Variants in CA3 observed in about 807,000 individuals in gnomAD.
CA3 encodes carbonic anhydrase 3, also known as CA-III.
Under a neutral mutation model 35.7 loss-of-function variants are expected in CA3, and 30 were observed. The observed-to-expected ratio is 0.84, with a 90% CI of 0.63 to 1.14. The LOEUF (loss-of-function observed/expected upper bound fraction) is 1.14, where lower values mean the gene tolerates loss of function less well. CA3 is among the 50% of genes most tolerant of loss of function. The pLI is 0.00. For missense variants in CA3, 295 were observed against 328.5 expected (o/e 0.90, Z 0.79); for synonymous variants, 131 against 130.8 (o/e 1.00, Z -0.01).
chr8:85,441,961 C>A, intron 2 of CA3, 112 bp from the exon 3 acceptor site: 2 of 719,754 alleles, frequency 2.8e-6, no homozygotes, highest in South Asian at 1.5e-5. Flanking sequence ...ATCCACCCAG[C>A]AAACTGACCA....
At position 85,448,182 on chromosome 8, in the gene CA3, A is replaced by C; in HGVS notation, c.*29A>C. The C allele has an allele frequency of 6.2e-7, 1 of 1,601,102 alleles. No homozygotes were observed. Among genetic ancestry groups the C allele is most frequent in the Non-Finnish European group, 8.5e-7 (1 of 1,173,518 alleles). ...TGCTGGATCTTGCCCTCTTCAGGAA[A>C]GGAAACCTACCATTGGAGAGCTTGG... is the stretch of plus-strand genomic sequence containing the variant. On this transcript the variant is annotated 3_prime_UTR_variant, in exon 7 of 7. Coordinates refer to ENST00000285381, the MANE Select transcript of CA3 (RefSeq NM_005181.4).
At chr8:85,444,159 A>G in intron 4 of CA3, 33 bp downstream of exon 4, 4 of 1,369,642 alleles carry the variant, frequency 2.9e-6, no homozygotes, top group Non-Finnish European at 4.2e-6. Context: ...ATTTTCTTCC[A>G]AAATGTATTT....
At position 85,446,224 on chromosome 8, in the gene CA3, T is replaced by A. The variant is rs1273302017; in HGVS notation, c.590T>A (p.Phe197Tyr). 6.2e-7 allele frequency: 1 copy of A among 1,614,044 alleles called. No homozygotes were observed. Among genetic ancestry groups the A allele is most frequent in the African/African-American group, 1.3e-5 (1 of 74,932 alleles). Residue 197 changes from phenylalanine to tyrosine, a missense_variant, in exon 6 of 7, where the codon TTC (phenylalanine) becomes TAC (tyrosine). Transcript: ENST00000285381. ...CRDYWTYQGS[F>Y]TTPPCEECIV... is the part of the protein sequence containing the mutation. ...GACTACTGGACCTACCAGGGCTCATTCACCACGCCGCCCTGCGAGGAATGC... is the reference window on the plus strand; with the variant it reads ...GACTACTGGACCTACCAGGGCTCATACACCACGCCGCCCTGCGAGGAATGC...
intron 1 of CA3, 39 bp downstream of exon 1, chr8:85,438,982 C>A: frequency 6.5e-7 from 1 of 1,548,602 alleles, no homozygotes; most frequent in South Asian, 1.2e-5. Context: ...GGAAGGGATG[C>A]CAGTCCAGGA....
At position 85,448,069 on chromosome 8, in the gene CA3, G is replaced by A; in HGVS notation, c.699G>A (p.Glu233=). The A allele has an allele frequency of 6.2e-7, 1 of 1,613,564 alleles. No homozygotes were observed. The highest frequency in any genetic ancestry group is 8.5e-7 in the Non-Finnish European group (1 of 1,179,770). Residue 233 remains glutamate (E), a synonymous_variant, in exon 7 of 7, where the codon GAG becomes GAA. Transcript: ENST00000285381. ...AKLRSLLSSA[E]NEPPVPLVSN... is the part of the protein sequence containing the mutation. The stretch of plus-strand genomic sequence containing the variant: ...TGCGGAGCCTCCTCTCCAGTGCTGA[G>A]AACGAGCCCCCAGTGCCTCTTGTGA...
At chr8:85,445,302 TA>T in intron 5 of CA3, 84 bp downstream of exon 5, 1 of 837,496 alleles carries the variant, frequency 1.2e-6, no homozygotes, top group Admixed American at 2.6e-5. Flanking sequence ...TTTTTTCACC[TA>T]AAATCTGTTA....
chr8:85,446,310 G>A lies in CA3; in HGVS notation c.663+13G>A. On this transcript the variant is annotated intron_variant, in intron 6 of 6. Transcript: ENST00000285381. ...GAGCTCTGACCAGGTGAGCAGCCTTGTGAACACGTGGGCTTATGTTGCTGT... is the reference window on the plus strand; with the variant it reads ...GAGCTCTGACCAGGTGAGCAGCCTTATGAACACGTGGGCTTATGTTGCTGT... 6.2e-7 allele frequency: 1 copy of A among 1,607,126 alleles called. No individual in the cohort carries two copies. The highest frequency in any genetic ancestry group is 8.5e-7 in the Non-Finnish European group (1 of 1,174,744).
At chr8:85,446,352 C>T in intron 6 of CA3, 55 bp downstream of exon 6, 1 of 1,562,216 alleles carries the variant, frequency 6.4e-7, no homozygotes. Flanking sequence ...ATGTAAGATA[C>T]AGATGCTAAA....
Position 85,439,877 on chromosome 8 carries a change from G to C in CA3, c.200G>C (p.Arg67Pro). 1 of 1,613,490 alleles carries C rather than the reference G, an allele frequency of 6.2e-7. No individual in the cohort carries two copies. The highest frequency in any genetic ancestry group is 8.5e-7 in the Non-Finnish European group (1 of 1,179,940). The change falls in exon 2 of 7, where the codon CGA (arginine) becomes CCA (proline). Residue 67 changes from arginine to proline, a missense_variant. Physicochemically the swap from Arg to Pro is moderately radical, Grantham distance 103. Transcript: ENST00000285381. ...KTILNNGKTC[R>P]VVFDDTYDRS... is the part of the protein sequence containing the mutation. The stretch of plus-strand genomic sequence containing the variant: ...ATCCTGAATAATGGGAAGACCTGCC[G>C]AGTTGTATTTGATGATACTTATGAT...
intron 5 of CA3, among the ~76,000 whole-genome samples, chr8:85,445,793 T>C (rs190425504): frequency 1.8e-4 from 27 of 152,302 alleles, no homozygotes; most frequent in Admixed American, 1.6e-3. Flanking sequence ...GCCTGATATT[T>C]TTTGGTATCA....
intron 6 of CA3, among the ~76,000 whole-genome samples, chr8:85,446,728 A>G (rs544828493): frequency 6.6e-6 from 1 of 152,342 alleles, no homozygotes; most frequent in South Asian, 2.1e-4. Flanking sequence ...TTACAGATAC[A>G]TAATTCAAGG....
intron 6 of CA3, among the ~76,000 whole-genome samples, chr8:85,446,694 A>G (rs139603697): frequency 7.2e-5 from 11 of 152,350 alleles, no homozygotes; most frequent in Non-Finnish European, 1.2e-4. Flanking sequence ...ACAATTTTGT[A>G]TGCTATATAT....
At chr8:85,439,008 A>C in intron 1 of CA3, 65 bp downstream of exon 1, 2 of 1,496,446 alleles carry the variant, frequency 1.3e-6, no homozygotes, top group Non-Finnish European at 1.8e-6. Context: ...CTGCCATTGC[A>C]CAGAAATGGG....
At position 85,442,165 on chromosome 8, in the gene CA3, G is replaced by C; in HGVS notation, c.325G>C (p.Val109Leu). Residue 109 changes from valine (V) to leucine (L), a missense_variant, in exon 3 of 7, where the codon GTG becomes CTG. By Grantham distance (32) the Val-to-Leu change is conservative (BLOSUM62 1). Coordinates refer to ENST00000285381, the MANE Select transcript of CA3 (RefSeq NM_005181.4). The stretch of plus-strand genomic sequence containing the variant: ...GGATGATCATGGCTCTGAGCACACC[G>C]TGGATGGAGTCAAGTATGCAGCGGA... ...SSDDHGSEHT[V>L]DGVKYAAELH... 6.2e-7 allele frequency: 1 copy of C among 1,600,502 alleles called. No individual in the cohort carries two copies. Among genetic ancestry groups the C allele is most frequent in the Non-Finnish European group, 8.6e-7 (1 of 1,167,630 alleles).
rs1811215573 is a variant in CA3, at chr8:85,442,100, C to T, written c.260C>T (p.Pro87Leu). The T allele has an allele frequency of 6.3e-7, 1 of 1,599,000 alleles. No individual in the cohort carries two copies. The highest frequency in any genetic ancestry group is 1.7e-5 in the Admixed American group (1 of 59,978). Residue 87 changes from proline (P) to leucine (L), a missense_variant, in exon 3 of 7, where the codon CCC (proline) becomes CTC (leucine). By Grantham distance (98) the Pro-to-Leu change is moderately conservative. Transcript: ENST00000285381. ...CTGAGAGGGGGTCCTCTCCCTGGAC[C>T]CTACCGACTTCGCCAGTTTCATCTT... ...SMLRGGPLPG[P>L]YRLRQFHLHW... is the part of the protein sequence containing the mutation.
At chr8:85,447,939 C>CA (rs1291282482) in intron 6 of CA3, 95 bp from the exon 7 acceptor site, 205 of 1,193,186 alleles carry the variant, frequency 1.7e-4, no homozygotes, top group Middle Eastern at 5.9e-4. Flanking sequence ...AAACCAACAA[C>CA]AAAAAAAACC....
chr8:85,442,389 G>C lies in CA3; in HGVS notation c.351+198G>C, dbSNP rs1217564070. 15 of 524,806 alleles carry C rather than the reference G, an allele frequency of 2.9e-5. 1 individual carries two copies. In the Admixed American group the frequency reaches 4.4e-4, roughly 15 times the overall value. 32.5% of individuals were successfully genotyped at this position (524,806 alleles called of 1,614,324 possible). ...ACAGGTAAAAGGGTATAGGTGAGTT[G>C]GCATCAAACATGAAGATTTCCAAGG... is the stretch of plus-strand genomic sequence containing the variant. On this transcript the variant is annotated intron_variant, in intron 3 of 6. Coordinates refer to ENST00000285381, the MANE Select transcript of CA3 (RefSeq NM_005181.4).
chr8:85,442,275 T>G, intron 3 of CA3, 84 bp downstream of exon 3: 1 of 791,888 alleles, frequency 1.3e-6, no homozygotes, highest in South Asian at 1.4e-5. Flanking sequence ...CAACAAAGCA[T>G]CATCCACTGC....
At position 85,448,887 on chromosome 8, in the gene CA3, C is replaced by T. The variant is rs1811331187; in HGVS notation, c.*734C>T. The stretch of plus-strand genomic sequence containing the variant: ...TTATTTTTAATTTCACTACATTTTT[C>T]TTTGCATGATTATTAAAATAAAAAC... On this transcript the variant is annotated 3_prime_UTR_variant, in exon 7 of 7. Transcript: ENST00000285381. The T allele has an allele frequency of 6.6e-6, 1 of 152,034 alleles. No individual in the cohort carries two copies. Among genetic ancestry groups the T allele is most frequent in the Non-Finnish European group, 1.5e-5 (1 of 67,994 alleles). 9.4% of individuals were successfully genotyped at this position (152,034 alleles called of 1,614,324 possible). A position where few individuals can be genotyped will look rare whatever the true frequency, so the allele number is the denominator to read the frequency against.
Sources: allele counts gnomAD v4.1 joint callset (sites outside exome capture counted in the v4.1 genomes callset), GRCh38; gene constraint gnomAD v4.1.1; transcripts MANE v1.5; gene names NCBI Gene and HGNC (gene_info 2026-07-23, HGNC 2026-07-21).